CNTNAP5: variants seen among roughly 807,000 people sequenced by gnomAD.
CNTNAP5 encodes contactin-associated protein-like 5.
In CNTNAP5, 72 loss-of-function variants were observed where a neutral mutation model predicts 150.2. The ratio of observed to expected loss-of-function variants is 0.48; its 90% CI spans 0.40 to 0.58. CNTNAP5 has a LOEUF of 0.58. Ranked by LOEUF, CNTNAP5 falls within the 20% of genes least tolerant of loss-of-function variation. The pLI is 0.00. For synonymous variants in CNTNAP5, 672 were observed against 619.8 expected (o/e 1.08, Z -1.25); for missense variants, 1,636 against 1,626.2 (o/e 1.01, Z -0.10).
chr2:124,835,423 T>G (rs1201582828), intron 19 of CNTNAP5, among the ~76,000 whole-genome samples: 1 of 152,168 alleles, frequency 6.6e-6, no homozygotes, highest in Non-Finnish European at 1.5e-5. Context: ...CATTTCAAAC[T>G]GCCAGGATTG....
intron 3 of CNTNAP5, among the ~76,000 whole-genome samples, chr2:124,416,541 G>A (rs575419796): frequency 1.6e-4 from 25 of 152,240 alleles, no homozygotes; most frequent in African/African-American, 5.8e-4. Context: ...ATAAATCTGA[G>A]TTGCATTGTC....
At chr2:124,277,804 A>C (rs1384099070) in intron 3 of CNTNAP5, among the ~76,000 whole-genome samples, 5 of 152,182 alleles carry the variant, frequency 3.3e-5, no homozygotes, top group Admixed American at 2.6e-4. Context: ...TCAAGAAACT[A>C]GTAAGTGCAG....
At chr2:124,286,605 A>T (rs1222110068) in intron 3 of CNTNAP5, among the ~76,000 whole-genome samples, 1 of 152,188 alleles carries the variant, frequency 6.6e-6, no homozygotes, top group Non-Finnish European at 1.5e-5. Context: ...ATTCAGCAGA[A>T]TTGAGGTTGG....
intron 3 of CNTNAP5, among the ~76,000 whole-genome samples, chr2:124,382,671 G>A (rs1690825944): frequency 6.6e-6 from 1 of 152,096 alleles, no homozygotes; most frequent in Admixed American, 6.6e-5. Context: ...TACTAGAAGA[G>A]AGATTATTTG....
intron 17 of CNTNAP5, among the ~76,000 whole-genome samples, chr2:124,786,426 GGAAGGAAGGAAGGAAGGAAGGAAA>G (rs1681587052): frequency 4.8e-5 from 5 of 103,540 alleles, no homozygotes; most frequent in African/African-American, 1.4e-4. Context: ...AAGGAAGGAA[GGAAGGAAGGAAGGAAGGAAGGAAA>G]GAAAGAAAGA....
At chr2:124,692,793 C>T (rs1033565549) in intron 13 of CNTNAP5, among the ~76,000 whole-genome samples, 1 of 152,066 alleles carries the variant, frequency 6.6e-6, no homozygotes, top group African/African-American at 2.4e-5. Context: ...AAGGTATTAT[C>T]TTCCCTCATT....
chr2:124,110,067 A>G (rs527733294), intron 1 of CNTNAP5, among the ~76,000 whole-genome samples: 1 of 152,232 alleles, frequency 6.6e-6, no homozygotes, highest in African/African-American at 2.4e-5. Context: ...GATTAAAGGC[A>G]TATCAACCAC....
At chr2:124,669,591 T>C (rs1333623368) in intron 13 of CNTNAP5, among the ~76,000 whole-genome samples, 1 of 152,226 alleles carries the variant, frequency 6.6e-6, no homozygotes, top group Non-Finnish European at 1.5e-5. Context: ...CAAGATTCCT[T>C]TTCTGAATAC....
At chr2:124,699,983 C>T (rs1679486509) in intron 13 of CNTNAP5, among the ~76,000 whole-genome samples, 1 of 152,134 alleles carries the variant, frequency 6.6e-6, no homozygotes, top group Non-Finnish European at 1.5e-5. Flanking sequence ...AAATGAAACC[C>T]TGTACTTGTT....
intron 19 of CNTNAP5, among the ~76,000 whole-genome samples, chr2:124,826,519 G>A (rs1326774474): frequency 1.3e-5 from 2 of 152,116 alleles, no homozygotes; most frequent in Non-Finnish European, 2.9e-5. Flanking sequence ...CCCAGAATAA[G>A]TTTCCCTCTT....
intron 19 of CNTNAP5, among the ~76,000 whole-genome samples, chr2:124,856,247 G>T (rs371668964): frequency 6.6e-6 from 1 of 152,074 alleles, no homozygotes; most frequent in Non-Finnish European, 1.5e-5. Flanking sequence ...TGATTGATGG[G>T]CATTTGGGCT....
At chr2:124,472,561 T>A (rs986669289) in intron 6 of CNTNAP5, among the ~76,000 whole-genome samples, 3 of 150,146 alleles carry the variant, frequency 2.0e-5, no homozygotes, top group South Asian at 2.1e-4. Context: ...ATAAGGTGTT[T>A]TATATATATA....
At chr2:124,832,173 C>T (rs1164530324) in intron 19 of CNTNAP5, among the ~76,000 whole-genome samples, 1 of 152,008 alleles carries the variant, frequency 6.6e-6, no homozygotes, top group Non-Finnish European at 1.5e-5. Flanking sequence ...AAAATGTATG[C>T]TGATGATTCT....
intron 21 of CNTNAP5, among the ~76,000 whole-genome samples, chr2:124,894,639 G>A (rs1387383138): frequency 6.7e-6 from 1 of 149,820 alleles, no homozygotes; most frequent in Non-Finnish European, 1.5e-5. Context: ...CTGCAGCCTC[G>A]ACCTCCAAGT....
chr2:124,587,915 G>T (rs1039361431), intron 11 of CNTNAP5, among the ~76,000 whole-genome samples: 6 of 152,198 alleles, frequency 3.9e-5, no homozygotes, highest in African/African-American at 1.4e-4. Context: ...AATATATATA[G>T]AGACTTAGGG....
intron 21 of CNTNAP5, among the ~76,000 whole-genome samples, chr2:124,897,977 GTA>G (rs1390660637): frequency 4.4e-5 from 6 of 137,826 alleles, no homozygotes; most frequent in South Asian, 4.6e-4. Context: ...GTGTGTGTGT[GTA>G]TGTGTGTGTA....
At chr2:124,709,099 G>T (rs140808467) in intron 13 of CNTNAP5, among the ~76,000 whole-genome samples, 14 of 151,946 alleles carry the variant, frequency 9.2e-5, no homozygotes, top group Non-Finnish European at 1.8e-4. Flanking sequence ...TTCCTGCCTC[G>T]GGCCCATAAA....
chr2:124,295,669 C>T (rs1011751168), intron 3 of CNTNAP5, among the ~76,000 whole-genome samples: 15 of 74,214 alleles, frequency 2.0e-4, no homozygotes, highest in African/African-American at 5.8e-4. Flanking sequence ...AACAAAAGAA[C>T]GGCTACTCCA....
At chr2:124,250,541 A>G (rs1230531428) in intron 3 of CNTNAP5, among the ~76,000 whole-genome samples, 1 of 152,106 alleles carries the variant, frequency 6.6e-6, no homozygotes, top group East Asian at 1.9e-4. Flanking sequence ...CACTTGATAA[A>G]CTAAATACTC....
Sources: gnomAD v4.1 joint callset for allele counts (sites outside exome capture counted in the v4.1 genomes callset) on GRCh38, gnomAD v4.1.1 for gene constraint, MANE v1.5 for transcripts, NCBI Gene and HGNC (gene_info 2026-07-23, HGNC 2026-07-21) for gene names.